Variants in RARA observed in about 807,000 individuals in gnomAD.
RARA encodes the protein retinoic acid receptor alpha, also known as PML-DDX5-RARA fusion.
Under a neutral mutation model 42.8 loss-of-function variants are expected in RARA, and 5 were observed. That is an observed-to-expected ratio of 0.12 (90% confidence interval 0.06 to 0.25). The LOEUF is 0.25. Ranked by LOEUF, RARA falls within the 10% of genes least tolerant of loss-of-function variation. The probability of loss-of-function intolerance (pLI) is 1.00; values close to 1 mark genes in which losing one functional copy is unlikely to be tolerated. For synonymous variants in RARA, 256 were observed against 259.5 expected (o/e 0.99, Z 0.13); for missense variants, 402 against 628.7 (o/e 0.64, Z 3.86).
Position 40,352,632 on chromosome 17 carries a change from A to C in RARA, c.807+125A>C. 3.3e-6 allele frequency: 3 copies of C among 902,758 alleles called. No homozygotes were observed. Among genetic ancestry groups the C allele is most frequent in the Non-Finnish European group, 4.8e-6 (3 of 630,224 alleles). 55.9% of individuals were successfully genotyped at this position (902,758 alleles called of 1,614,324 possible). A position where few individuals can be genotyped will look rare whatever the true frequency, so the allele number is the denominator to read the frequency against. The stretch of plus-strand genomic sequence containing the variant: ...ACCTGTCCAAATGCCCACCGCCCAA[A>C]TGTCTGCCCTTCCTCTCCCCATATG... On this transcript the variant is annotated intron_variant, in intron 6 of 8. Coordinates refer to ENST00000254066, the MANE Select transcript of RARA (RefSeq NM_000964.4). The surrounding 1 kb of genome is among the most constrained non-coding windows in gnomAD (Gnocchi z 4.9).
intron 1 of RARA, among the ~76,000 whole-genome samples, chr17:40,318,700 C>G (rs1050567410): frequency 6.6e-6 from 1 of 152,266 alleles, no homozygotes; most frequent in East Asian, 1.9e-4. Context: ...GCGCGTGTCC[C>G]CCGCGCTCGA....
At chr17:40,339,837 G>C (rs1015726763) in intron 2 of RARA, among the ~76,000 whole-genome samples, 1 of 152,096 alleles carries the variant, frequency 6.6e-6, no homozygotes, top group African/African-American at 2.4e-5. Context: ...GTCCCTTAGC[G>C]CCTTGCAGCT....
rs1362242334 is a variant in RARA at position 40,355,961 on chromosome 17, G to A, written c.1172-48G>A. 6.6e-7 allele frequency: 1 copy of A among 1,514,270 alleles called. No individual in the cohort carries two copies. The highest frequency in any genetic ancestry group is 1.2e-5 in the South Asian group (1 of 81,506). The allele number at this position is 1,514,270 out of a possible 1,614,324, so 93.8% of individuals were successfully genotyped here. On this transcript the variant is annotated intron_variant, in intron 8 of 8. Transcript: ENST00000254066. The surrounding 1 kb of genome is among the most constrained non-coding windows in gnomAD (Gnocchi z 4.1). Reference sequence around the variant, plus strand: ...AGCCAGGCTTGCTGGGGCTGGGGGTGGGAGGGCTGGCCCAGCGTGCTGACC... The same window carrying A: ...AGCCAGGCTTGCTGGGGCTGGGGGTAGGAGGGCTGGCCCAGCGTGCTGACC...
At position 40,331,231 on chromosome 17, in the gene RARA, A is replaced by G; in HGVS notation, c.13A>G (p.Ser5Gly). MASN[S>G]SSCPTPGGGH... is the part of the protein sequence containing the mutation. The stretch of plus-strand genomic sequence containing the variant: ...GTGGCCGCTTGGCATGGCCAGCAAC[A>G]GCAGCTCCTGCCCGACACCTGGGGG... The change falls in exon 2 of 9, where the codon AGC becomes GGC. Residue 5 changes from serine to glycine, a missense_variant. Physicochemically the swap from Ser to Gly is moderately conservative, Grantham distance 56. Transcript: ENST00000254066. 6.2e-7 allele frequency: 1 copy of G among 1,611,802 alleles called. No homozygotes were observed. The highest frequency in any genetic ancestry group is 8.5e-7 in the Non-Finnish European group (1 of 1,179,434).
intron 2 of RARA, among the ~76,000 whole-genome samples, chr17:40,346,647 C>T (rs540353678): frequency 1.3e-5 from 2 of 152,196 alleles, no homozygotes; most frequent in African/African-American, 2.4e-5. Context: ...ACCCCGCCCC[C>T]CCAGCAGCTG....
chr17:40,335,561 G>C (rs577198977), intron 2 of RARA, among the ~76,000 whole-genome samples: 1 of 152,016 alleles, frequency 6.6e-6, no homozygotes, highest in Non-Finnish European at 1.5e-5. Flanking sequence ...GAGGTGGCAC[G>C]TGTCTGTAAT....
chr17:40,335,669 G>C (rs2033822527), intron 2 of RARA, among the ~76,000 whole-genome samples: 1 of 151,734 alleles, frequency 6.6e-6, no homozygotes, highest in South Asian at 2.1e-4. Context: ...CAGCCTGGGG[G>C]ATAGAGCGAG....
rs370266874 is a variant in RARA at position 40,348,482 on chromosome 17, T to C, written c.327+18T>C. On this transcript the variant is annotated intron_variant, in intron 3 of 8. Coordinates refer to ENST00000254066, the MANE Select transcript of RARA (RefSeq NM_000964.4). ...GCTGCAAGGTGAGTTGAAGGGGTCA[T>C]TGGGAAGGACAGCTTGATGAGGTCA... The C allele has an allele frequency of 5.6e-6, 9 of 1,609,124 alleles. No individual in the cohort carries two copies. The East Asian group carries it at 1.1e-4, about 20-fold the overall frequency.
intron 1 of RARA, among the ~76,000 whole-genome samples, chr17:40,318,071 C>T (rs1598531562): frequency 1.3e-5 from 2 of 152,358 alleles, no homozygotes; most frequent in South Asian, 4.1e-4. Flanking sequence ...GTCCAGTCTT[C>T]AACTAGGAGT....
intron 2 of RARA, among the ~76,000 whole-genome samples, chr17:40,337,793 T>A (rs986680764): frequency 6.6e-6 from 1 of 152,196 alleles, no homozygotes; most frequent in Non-Finnish European, 1.5e-5. Flanking sequence ...GGAGGTTGTG[T>A]CCTTCCCTTC....
At chr17:40,325,302 G>T (rs2143230822) in intron 1 of RARA, among the ~76,000 whole-genome samples, 2 of 144,024 alleles carry the variant, frequency 1.4e-5, no homozygotes, top group East Asian at 4.2e-4. Context: ...TAAATAAAAA[G>T]AGGCTGGGCT....
At chr17:40,335,794 A>G (rs1211083354) in intron 2 of RARA, among the ~76,000 whole-genome samples, 1 of 152,164 alleles carries the variant, frequency 6.6e-6, no homozygotes, top group Non-Finnish European at 1.5e-5. Flanking sequence ...ACTTCAGCCC[A>G]GGAATTTGAG....
chr17:40,344,437 A>T (rs1598571893), intron 2 of RARA, among the ~76,000 whole-genome samples: 1 of 151,976 alleles, frequency 6.6e-6, no homozygotes, highest in Non-Finnish European at 1.5e-5. Context: ...TGCCAGAGTC[A>T]CCCCTTCCAC....
Position 40,355,244 on chromosome 17 carries a change from G to T in RARA, c.1013-19G>T, listed in dbSNP as rs1208772402. ...CAGCTGTGTTCCCAGCTGCTCAGGG[G>T]GTGGTTCTGCTTCCTCAGACCGCCA... is the stretch of plus-strand genomic sequence containing the variant. On this transcript the variant is annotated intron_variant, in intron 7 of 8. Coordinates refer to ENST00000254066, the MANE Select transcript of RARA (RefSeq NM_000964.4). This position sits in a 1 kb window ranked among gnomAD's most constrained non-coding sequence, Gnocchi z 4.1. 1 of 1,553,488 alleles carries T rather than the reference G, an allele frequency of 6.4e-7. No individual in the cohort carries two copies. Among genetic ancestry groups the T allele is most frequent in the South Asian group, 1.2e-5 (1 of 84,988 alleles).
chr17:40,331,353 G>C lies in RARA; in HGVS notation c.135G>C (p.Gln45His), dbSNP rs1433348499. ...LSPPGALTTL[Q>H]HQLPVSGYST... is the part of the protein sequence containing the mutation. ...CGCCAGGCGCTCTGACCACTCTCCAGCACCAGCTTCCAGTTAGTGGATATA... is the reference window on the plus strand; with the variant it reads ...CGCCAGGCGCTCTGACCACTCTCCACCACCAGCTTCCAGTTAGTGGATATA... Residue 45 changes from glutamine to histidine, a missense_variant, in exon 2 of 9, where the codon CAG (glutamine) becomes CAC (histidine). Gln to His is a conservative substitution (Grantham distance 24). Around this residue, in one of 5 missense-constraint regions of RARA, gnomAD observed 91 missense variants for 105.2 expected, o/e 0.87. Transcript: ENST00000254066. 2 of 1,613,946 alleles carry C rather than the reference G, an allele frequency of 1.2e-6. No individual in the cohort carries two copies. Among genetic ancestry groups the C allele is most frequent in the Non-Finnish European group, 1.7e-6 (2 of 1,179,972 alleles).
chr17:40,357,343 CAA>C lies in RARA; in HGVS notation c.*1119_*1120del. The C allele has an allele frequency of 4.3e-6, 1 of 234,522 alleles. No individual in the cohort carries two copies. Among genetic ancestry groups the C allele is most frequent in the Non-Finnish European group, 8.4e-6 (1 of 119,030 alleles). The allele number at this position is 234,522 out of a possible 1,614,324, so 14.5% of individuals were successfully genotyped here. ...ACACACATGCGCGTGCGCACACACA[CAA>C]ACACACACACACTGGACAGTAGATG... On this transcript the variant is annotated 3_prime_UTR_variant, in exon 9 of 9. Coordinates refer to ENST00000254066, the MANE Select transcript of RARA (RefSeq NM_000964.4).
At chr17:40,349,528 G>A (rs2034375984) in intron 3 of RARA, 1 of 423,420 alleles carries the variant, frequency 2.4e-6, no homozygotes, top group Admixed American at 4.0e-5. Context: ...TGGAAGGGAG[G>A]AGTCAGGTGT....
rs185250472 is a variant in RARA at position 40,340,548 on chromosome 17, G to A, written c.179-7768G>A. On this transcript the variant is annotated intron_variant, in intron 2 of 8. Coordinates refer to ENST00000254066, the MANE Select transcript of RARA (RefSeq NM_000964.4). Reference sequence around the variant, plus strand: ...AACCCCAGGGCCTTTGCACAGACTCGCCCTTTAACTGGAACTACACTCCTT... The same window carrying A: ...AACCCCAGGGCCTTTGCACAGACTCACCCTTTAACTGGAACTACACTCCTT... 1.7e-3 allele frequency among the ~76,000 whole-genome samples: 265 copies of A among 152,196 alleles called. 2 individuals carry two copies. The highest frequency in any genetic ancestry group is 5.8e-3 in the African/African-American group (239 of 41,514).
intron 2 of RARA, among the ~76,000 whole-genome samples, chr17:40,338,775 C>T (rs369332039): frequency 5.3e-5 from 8 of 151,088 alleles, no homozygotes; most frequent in African/African-American, 1.2e-4. Flanking sequence ...TTTGGGAGGC[C>T]GAGGTGGGAG....
Sources: allele counts gnomAD v4.1 joint callset (sites outside exome capture counted in the v4.1 genomes callset), GRCh38; gene constraint gnomAD v4.1.1; regional missense constraint gnomAD v4.1.1; non-coding constraint Gnocchi (gnomAD v3.1); transcripts MANE v1.5; gene names NCBI Gene and HGNC (gene_info 2026-07-23, HGNC 2026-07-21).